The following ETV1 variants were observed in gnomAD, a reference collection of about 807,000 sequenced individuals.
ETV1 encodes the protein ETS translocation variant 1.
A neutral mutation model predicts 62.3 loss-of-function variants in ETV1; 27 were observed. The observed-to-expected ratio is 0.43, with a 90% confidence interval of 0.32 to 0.60. The LOEUF (loss-of-function observed/expected upper bound fraction) is 0.60. Ranked by LOEUF, ETV1 falls within the 20% of genes least tolerant of loss-of-function variation. The probability of loss-of-function intolerance (pLI) is 0.06; values close to 1 mark genes in which losing one functional copy is unlikely to be tolerated. For synonymous variants in ETV1, 222 were observed against 199.6 expected, an observed-to-expected ratio of 1.11 and a Z score of -0.94; for missense variants, 605 against 605.8, an observed-to-expected ratio of 1.00 and a Z score of 0.01.
Position 13,894,683 on chromosome 7 carries a change from G to GTT in ETV1, c.*1182_*1183insAA, listed in dbSNP as rs1203619926. 2 of 232,542 alleles carry GTT rather than the reference G, an allele frequency of 8.6e-6. No homozygotes were observed. The highest frequency in any genetic ancestry group is 1.2e-4 in the East Asian group (2 of 16,326). The allele number at this position is 232,542 out of a possible 1,614,324, so 14.4% of individuals were successfully genotyped here. A position where few individuals can be genotyped will look rare whatever the true frequency, so the allele number is the denominator to read the frequency against. ...TCTATTTTGTCCTGAAATGCTATCT[G>GTT]TAGTTAACTGCACTGCTTATAAATG... On this transcript the variant is annotated 3_prime_UTR_variant, in exon 14 of 14. Transcript: ENST00000430479.
Position 13,982,061 on chromosome 7 carries a change from C to A in ETV1, c.181+4577G>T, listed in dbSNP as rs10244180. Among the ~76,000 whole-genome samples, 1,278 of 151,920 alleles carry A rather than the reference C, an allele frequency of 8.4e-3. 8 individuals carry two copies. The highest frequency in any genetic ancestry group is 0.02 in the Middle Eastern group (6 of 294). On this transcript the variant is annotated intron_variant, in intron 5 of 13. Coordinates refer to ENST00000430479, the MANE Select transcript of ETV1 (RefSeq NM_004956.5). ...GAGGCAACTTTCCAATGACAAAACACCTTTAATACTTGATCAAGGCATTAT... is the reference window on the plus strand; with the variant it reads ...GAGGCAACTTTCCAATGACAAAACAACTTTAATACTTGATCAAGGCATTAT...
At chr7:13,913,817 A>T (rs879371491) in intron 9 of ETV1, among the ~76,000 whole-genome samples, 23 of 151,384 alleles carry the variant, frequency 1.5e-4, no homozygotes, top group Non-Finnish European at 2.8e-4. Flanking sequence ...AAAATTCATT[A>T]TAAACTTATA....
Position 13,931,852 on chromosome 7 carries a change from C to G in ETV1, c.555-103G>C. On this transcript the variant is annotated intron_variant, in intron 8 of 13. Coordinates refer to ENST00000430479, the MANE Select transcript of ETV1 (RefSeq NM_004956.5). ...TCTTAGTGAACGAACATGATACCAGCTGACCTGAAGCGTAAATCTTTAACA... is the reference window on the plus strand; with the variant it reads ...TCTTAGTGAACGAACATGATACCAGGTGACCTGAAGCGTAAATCTTTAACA... The G allele has an allele frequency of 2.2e-6, 3 of 1,380,800 alleles. No individual in the cohort carries two copies. In the East Asian group the frequency reaches 7.0e-5, roughly 32 times the overall value. 85.5% of individuals were successfully genotyped at this position (1,380,800 alleles called of 1,614,324 possible). A position where few individuals can be genotyped will look rare whatever the true frequency, so the allele number is the denominator to read the frequency against.
At chr7:13,988,595 G>GAAAAAAAAAAAA (rs34468165) in intron 3 of ETV1, 3 of 811,092 alleles carry the variant, frequency 3.7e-6, no homozygotes, top group African/African-American at 3.8e-5. Context: ...GTAGAGAAAT[G>GAAAAAAAAAAAA]AAAAAAAAAA....
intron 6 of ETV1, among the ~76,000 whole-genome samples, chr7:13,966,014 T>G (rs779473725): frequency 2.0e-5 from 3 of 151,918 alleles, no homozygotes; most frequent in Non-Finnish European, 4.4e-5. Context: ...CCAATGAAAA[T>G]AGGATTAAAA....
At chr7:13,977,052 T>C (rs1353642259) in intron 6 of ETV1, among the ~76,000 whole-genome samples, 1 of 152,210 alleles carries the variant, frequency 6.6e-6, no homozygotes, top group Non-Finnish European at 1.5e-5. Flanking sequence ...CTACCTCCCA[T>C]CAGCATCCAG....
chr7:13,940,335 C>G (rs1189079499), intron 6 of ETV1, among the ~76,000 whole-genome samples: 1 of 148,458 alleles, frequency 6.7e-6, no homozygotes, highest in Non-Finnish European at 1.5e-5. Flanking sequence ...GCACTCCAGC[C>G]TGGGCAACAG....
chr7:13,892,295 C>T lies in ETV1; in HGVS notation c.*3571G>A, dbSNP rs1781435219. 8.6e-6 allele frequency: 2 copies of T among 232,446 alleles called. No homozygotes were observed. The highest frequency in any genetic ancestry group is 1.8e-4 in the South Asian group (1 of 5,520). The allele number at this position is 232,446 out of a possible 1,614,324, so 14.4% of individuals were successfully genotyped here. On this transcript the variant is annotated 3_prime_UTR_variant, in exon 14 of 14. Coordinates refer to ENST00000430479, the MANE Select transcript of ETV1 (RefSeq NM_004956.5). ...TCATGACTTAGTGTTTTCCTGGGGGCTGGGGAAGGATTTGAATAATCTAAA... is the reference window on the plus strand; with the variant it reads ...TCATGACTTAGTGTTTTCCTGGGGGTTGGGGAAGGATTTGAATAATCTAAA...
chr7:13,949,365 G>A (rs1001269997), intron 6 of ETV1, among the ~76,000 whole-genome samples: 2 of 152,094 alleles, frequency 1.3e-5, no homozygotes, highest in Non-Finnish European at 2.9e-5. Context: ...TAAATGGATC[G>A]CAATGACCTC....
intron 7 of ETV1, among the ~76,000 whole-genome samples, chr7:13,937,135 A>G (rs1346717976): frequency 6.6e-6 from 1 of 152,254 alleles, no homozygotes; most frequent in Non-Finnish European, 1.5e-5. Flanking sequence ...TTATGTAATA[A>G]TTTATTCTGT....
intron 11 of ETV1, among the ~76,000 whole-genome samples, chr7:13,908,360 C>G (rs1163941956): frequency 6.6e-6 from 1 of 152,062 alleles, no homozygotes; most frequent in Non-Finnish European, 1.5e-5. Flanking sequence ...TATGCCCTTA[C>G]TAATTTTCAA....
chr7:13,920,855 C>T (rs1784765693), intron 9 of ETV1, among the ~76,000 whole-genome samples: 1 of 152,150 alleles, frequency 6.6e-6, no homozygotes, highest in Admixed American at 6.5e-5. Context: ...TCATATGAGA[C>T]ATGCTAAGCA....
intron 7 of ETV1, among the ~76,000 whole-genome samples, chr7:13,936,936 C>T (rs1200344458): frequency 1.3e-5 from 2 of 151,814 alleles, no homozygotes; most frequent in East Asian, 3.9e-4. Context: ...CAGATATTCA[C>T]GAGACTGAGG....
chr7:13,924,094 T>C (rs1275305756), intron 9 of ETV1, among the ~76,000 whole-genome samples: 3 of 152,080 alleles, frequency 2.0e-5, no homozygotes, highest in African/African-American at 7.2e-5. Flanking sequence ...AGCACCCTAT[T>C]CCTCAACAAC....
chr7:13,985,554 T>C (rs1782467707), intron 5 of ETV1: 2 of 152,436 alleles, frequency 1.3e-5, no homozygotes, highest in Non-Finnish European at 2.9e-5. Flanking sequence ...TGCCTCAAAG[T>C]AGCTACAGTA....
rs1360440872 is a variant in ETV1 at position 13,901,708 on chromosome 7, C to T, written c.1111-869G>A. ...ACTTTTTATTGCCTAAAGCAGCAGC[C>T]GAATAAAACTGTGGGTAATACCAAA... On this transcript the variant is annotated intron_variant, in intron 12 of 13. Transcript: ENST00000430479. Among the ~76,000 whole-genome samples, 5 of 151,976 alleles carry T rather than the reference C, an allele frequency of 3.3e-5. No individual in the cohort carries two copies. The South Asian group carries it at 1.0e-3, about 32-fold the overall frequency.
rs1196367205 is a variant in ETV1, at chr7:13,894,244, T to C, written c.*1622A>G. On this transcript the variant is annotated 3_prime_UTR_variant, in exon 14 of 14. Transcript: ENST00000430479. ...ATAGATGGAACAAAATTCATGTCCC[T>C]TGCTTGAATCTTTTAGCGAGCTATT... 8.6e-6 allele frequency: 2 copies of C among 232,472 alleles called. No homozygotes were observed. The highest frequency in any genetic ancestry group is 8.5e-6 in the Non-Finnish European group (1 of 117,730). 14.4% of individuals were successfully genotyped at this position (232,472 alleles called of 1,614,324 possible). A position where few individuals can be genotyped will look rare whatever the true frequency, so the allele number is the denominator to read the frequency against.
intron 6 of ETV1, among the ~76,000 whole-genome samples, chr7:13,970,956 C>A (rs1359192703): frequency 1.3e-5 from 2 of 151,314 alleles, no homozygotes; most frequent in Non-Finnish European, 2.9e-5. Context: ...GCTATTCTTT[C>A]TTTTATTTAT....
intron 6 of ETV1, among the ~76,000 whole-genome samples, chr7:13,973,219 A>T (rs1313010126): frequency 6.6e-6 from 1 of 152,210 alleles, no homozygotes; most frequent in Admixed American, 6.5e-5. Flanking sequence ...TTCATTTACC[A>T]AAGGACTAAA....
Sources: gnomAD v4.1 joint callset for allele counts (sites outside exome capture counted in the v4.1 genomes callset) on GRCh38, gnomAD v4.1.1 for gene constraint, MANE v1.5 for transcripts, NCBI Gene and HGNC (gene_info 2026-07-23, HGNC 2026-07-21) for gene names.